Variants in TDRD9 observed in about 807,000 individuals in gnomAD.
The protein encoded by TDRD9 is ATP-dependent RNA helicase TDRD9.
A neutral mutation model predicts 172.6 loss-of-function variants in TDRD9; 124 were observed. That is an observed-to-expected ratio of 0.72 (90% confidence interval 0.62 to 0.83). The LOEUF (loss-of-function observed/expected upper bound fraction) is 0.83, where lower values mean the gene tolerates loss of function less well. TDRD9 is among the 40% of genes least tolerant of loss of function. The pLI is 0.00. For missense variants in TDRD9, 1,479 were observed against 1,714.1 expected (o/e 0.86, Z 2.42); for synonymous variants, 619 against 617.1 (o/e 1.00, Z -0.05).
chr14:104,018,233 C>A, intron 23 of TDRD9, 41 bp downstream of exon 23: 1 of 1,224,586 alleles, frequency 8.2e-7, no homozygotes, highest in Non-Finnish European at 1.2e-6. Flanking sequence ...ATGAAGGAGG[C>A]ATAATGATTC....
At chr14:103,978,112 CTT>C (rs1400157861) in intron 7 of TDRD9, among the ~76,000 whole-genome samples, 1 of 151,944 alleles carries the variant, frequency 6.6e-6, no homozygotes, top group Non-Finnish European at 1.5e-5. Context: ...TGTGATGCCT[CTT>C]GCTTTGTTCA....
intron 23 of TDRD9, 87 bp downstream of exon 23, chr14:104,018,279 C>A: frequency 1.1e-6 from 1 of 880,568 alleles, no homozygotes; most frequent in Non-Finnish European, 1.8e-6. Flanking sequence ...AAACGGAGTG[C>A]CCATGGAAAT....
chr14:103,998,520 T>C, intron 12 of TDRD9, 104 bp from the exon 13 acceptor site: 2 of 736,354 alleles, frequency 2.7e-6, no homozygotes, highest in South Asian at 3.4e-5. Flanking sequence ...TCACTAATTC[T>C]TAAGGCTGCA....
intron 1 of TDRD9, among the ~76,000 whole-genome samples, chr14:103,943,603 C>T (rs1262190867): frequency 6.6e-6 from 1 of 151,548 alleles, no homozygotes; most frequent in Non-Finnish European, 1.5e-5. Context: ...CCTGCCTCAG[C>T]CTCCCAAAGT....
At chr14:103,934,803 G>A (rs910346605) in intron 1 of TDRD9, among the ~76,000 whole-genome samples, 3 of 152,200 alleles carry the variant, frequency 2.0e-5, no homozygotes, top group Non-Finnish European at 4.4e-5. Flanking sequence ...ACAGGAGCAG[G>A]GTGGTCAGGG....
Position 104,047,123 on chromosome 14 carries a change from A to T in TDRD9, c.3975-2485A>T, listed in dbSNP as rs996043893. 2.0e-5 allele frequency among the ~76,000 whole-genome samples: 3 copies of T among 152,220 alleles called. No homozygotes were observed. The South Asian group carries it at 6.2e-4, about 31-fold the overall frequency. On this transcript the variant is annotated intron_variant, in intron 34 of 35. Coordinates refer to ENST00000409874, the MANE Select transcript of TDRD9 (RefSeq NM_153046.3). ...CTAACAGTAGTGAGCCATCCAGTCC[A>T]TGAAGATGGAGTGTCTGTTCATTTG... is the stretch of plus-strand genomic sequence containing the variant.
chr14:103,996,889 G>A (rs753590529), intron 12 of TDRD9, among the ~76,000 whole-genome samples: 10 of 152,160 alleles, frequency 6.6e-5, no homozygotes, highest in Non-Finnish European at 2.9e-5. Flanking sequence ...CATCCTGAAG[G>A]AGGTTAGGGA....
At position 104,018,203 on chromosome 14, in the gene TDRD9, T is replaced by A. The variant is rs1298839521; in HGVS notation, c.2432+11T>A. 6.7e-7 allele frequency: 1 copy of A among 1,498,692 alleles called. No homozygotes were observed. Among genetic ancestry groups the A allele is most frequent in the Non-Finnish European group, 9.2e-7 (1 of 1,085,824 alleles). 92.8% of individuals were successfully genotyped at this position (1,498,692 alleles called of 1,614,324 possible). On this transcript the variant is annotated intron_variant, in intron 23 of 35. Transcript: ENST00000409874. ...ATTTGATGGTGCAAAGTAAGTATATTTTTGTAATCAACTGCAATTATGAAG... is the reference window on the plus strand; with the variant it reads ...ATTTGATGGTGCAAAGTAAGTATATATTTGTAATCAACTGCAATTATGAAG...
At chr14:104,041,716 C>G (rs1175424658) in intron 33 of TDRD9, among the ~76,000 whole-genome samples, 1 of 152,152 alleles carries the variant, frequency 6.6e-6, no homozygotes, top group Non-Finnish European at 1.5e-5. Context: ...GCAGGGGGAC[C>G]GGGGACCTTT....
chr14:104,016,443 T>C (rs1175449760), intron 22 of TDRD9, among the ~76,000 whole-genome samples: 1 of 152,218 alleles, frequency 6.6e-6, no homozygotes, highest in Non-Finnish European at 1.5e-5. Context: ...TAAAATGTTA[T>C]TGGTTGGCAG....
At chr14:103,962,770 C>T (rs2032565394) in intron 2 of TDRD9, among the ~76,000 whole-genome samples, 1 of 152,108 alleles carries the variant, frequency 6.6e-6, no homozygotes, top group African/African-American at 2.4e-5. Context: ...CTTAGATGGC[C>T]TCCAGCTACA....
intron 20 of TDRD9, among the ~76,000 whole-genome samples, chr14:104,010,908 G>A (rs998132611): frequency 1.3e-5 from 2 of 152,158 alleles, no homozygotes; most frequent in Non-Finnish European, 2.9e-5. Flanking sequence ...GTGGGCCCTC[G>A]CTGTTCAACC....
chr14:104,033,821 T>TG (rs2152254841), intron 30 of TDRD9, 139 bp from the exon 31 acceptor site: 2 of 620,244 alleles, frequency 3.2e-6, no homozygotes, highest in African/African-American at 1.8e-5. Flanking sequence ...TGCAGGAGAG[T>TG]GGGGGGTTAA....
In TDRD9 at chr14:104,042,206, C is replaced by T. The variant is rs778849799; in HGVS notation, c.3974+19C>T. ...TTTTAGGGTAAGCTGTGTGATGACG[C>T]GGGCTTCTTTTCTTCCCAGTCAACT... On this transcript the variant is annotated intron_variant, in intron 34 of 35. Transcript: ENST00000409874. 1.8e-5 allele frequency: 27 copies of T among 1,540,258 alleles called. No individual in the cohort carries two copies. Among genetic ancestry groups the T allele is most frequent in the South Asian group, 9.0e-5 (8 of 89,168 alleles).
Position 104,039,810 on chromosome 14 carries a change from A to G in TDRD9, c.3717-386A>G, listed in dbSNP as rs545554986. Among the ~76,000 whole-genome samples the G allele has an allele frequency of 2.0e-3, 310 of 152,310 alleles. 1 individual carries two copies. The highest frequency in any genetic ancestry group is 3.4e-3 in the Middle Eastern group (1 of 294). ...TTACTAAGTGCTAGACTTGTTTGAC[A>G]GGTCATAAATATGTACATAGCCCTT... On this transcript the variant is annotated intron_variant, in intron 32 of 35. Transcript: ENST00000409874.
At chr14:103,963,966 G>A (rs1353992137) in intron 3 of TDRD9, among the ~76,000 whole-genome samples, 5 of 152,170 alleles carry the variant, frequency 3.3e-5, no homozygotes, top group Non-Finnish European at 7.4e-5. Flanking sequence ...CATATAATCT[G>A]TAAGTGGAAA....
At chr14:103,946,436 A>G (rs2031563190) in intron 1 of TDRD9, among the ~76,000 whole-genome samples, 1 of 152,238 alleles carries the variant, frequency 6.6e-6, no homozygotes, top group Non-Finnish European at 1.5e-5. Flanking sequence ...AAAAGCCCAC[A>G]GCTAACATCA....
At chr14:104,034,885 G>C (rs2035402230) in intron 31 of TDRD9, 75 bp from the exon 32 acceptor site, 2 of 1,130,306 alleles carry the variant, frequency 1.8e-6, no homozygotes, top group Non-Finnish European at 2.6e-6. Flanking sequence ...AGATGAGTAG[G>C]AGCGGGCCGG....
At position 103,965,380 on chromosome 14, in the gene TDRD9, C is replaced by T. The variant is rs112829248; in HGVS notation, c.468C>T (p.Ala156=). ...ESNSVVIIHG[A]TGSGKSTQLP... is the part of the protein sequence containing the mutation. The stretch of plus-strand genomic sequence containing the variant: ...ATTCCGTGGTGATTATCCATGGGGC[C>T]ACGGGAAGCGGTAAAAGCACTCAGC... The change falls in exon 4 of 36, where the codon GCC becomes GCT. Residue 156 remains alanine (A), a synonymous_variant. Transcript: ENST00000409874. The T allele has an allele frequency of 6.4e-6, 10 of 1,551,484 alleles. No individual in the cohort carries two copies. Among genetic ancestry groups the T allele is most frequent in the South Asian group, 5.9e-5 (5 of 84,052 alleles).
Sources: allele counts gnomAD v4.1 joint callset (sites outside exome capture counted in the v4.1 genomes callset), GRCh38; gene constraint gnomAD v4.1.1; transcripts MANE v1.5; gene names NCBI Gene and HGNC (gene_info 2026-07-23, HGNC 2026-07-21).